Variants in PTPRM observed in about 807,000 individuals in gnomAD.
PTPRM encodes the protein protein tyrosine phosphatase receptor type M.
A neutral mutation model predicts 186.7 loss-of-function variants in PTPRM; 47 were observed. That is an observed-to-expected ratio of 0.25 (90% CI 0.20 to 0.32). The LOEUF is 0.32. Among genes scored for constraint, PTPRM ranks in the 10% least tolerant of loss-of-function variants. The pLI is 1.00. For missense variants in PTPRM, 1,494 were observed against 1,865.0 expected, an observed-to-expected ratio of 0.80 and a Z score of 3.66; for synonymous variants, 668 against 674.9, an observed-to-expected ratio of 0.99 and a Z score of 0.16.
chr18:7,987,846 ATTCT>A (rs773062520), intron 7 of PTPRM, among the ~76,000 whole-genome samples: 49 of 152,186 alleles, frequency 3.2e-4, no homozygotes, highest in Non-Finnish European at 6.2e-4. Context: ...GAAACTTTTC[ATTCT>A]TTCTTGATAT....
chr18:7,994,484 C>T (rs1487448663), intron 7 of PTPRM, among the ~76,000 whole-genome samples: 2 of 152,162 alleles, frequency 1.3e-5, no homozygotes, highest in African/African-American at 2.4e-5. Flanking sequence ...ATGGACCTAG[C>T]AGACGTTACA....
intron 2 of PTPRM, among the ~76,000 whole-genome samples, chr18:7,795,765 C>T (rs2043597984): frequency 6.6e-6 from 1 of 151,090 alleles, no homozygotes; most frequent in Admixed American, 6.6e-5. Context: ...TTTTGTTCAC[C>T]AAGATATTAC....
At chr18:7,617,758 G>A (rs890054342) in intron 1 of PTPRM, among the ~76,000 whole-genome samples, 1 of 152,176 alleles carries the variant, frequency 6.6e-6, no homozygotes, top group Non-Finnish European at 1.5e-5. Context: ...GTGAGAAGAG[G>A]ATAATCATCA....
intron 2 of PTPRM, among the ~76,000 whole-genome samples, chr18:7,829,068 T>C (rs1475796229): frequency 6.6e-6 from 1 of 152,200 alleles, no homozygotes; most frequent in Non-Finnish European, 1.5e-5. Context: ...ATTTTGAAAT[T>C]GAAATGATTT....
At chr18:7,633,116 C>T (rs1185565597) in intron 1 of PTPRM, among the ~76,000 whole-genome samples, 2 of 152,154 alleles carry the variant, frequency 1.3e-5, no homozygotes, top group Non-Finnish European at 2.9e-5. Flanking sequence ...TTTCAGAGTG[C>T]CATGTGCAAT....
chr18:8,179,662 G>A (rs2093545421), intron 14 of PTPRM, among the ~76,000 whole-genome samples: 2 of 151,758 alleles, frequency 1.3e-5, no homozygotes. Context: ...TAGAGAACGG[G>A]TTTCACCATG....
intron 14 of PTPRM, among the ~76,000 whole-genome samples, chr18:8,204,032 C>T (rs763426029): frequency 5.9e-5 from 9 of 152,132 alleles, no homozygotes; most frequent in Non-Finnish European, 1.3e-4. Flanking sequence ...ACATGCCAAC[C>T]ACAAGATGGT....
chr18:7,945,219 T>G (rs1317229817), intron 5 of PTPRM, among the ~76,000 whole-genome samples: 2 of 150,310 alleles, frequency 1.3e-5, no homozygotes, highest in East Asian at 3.9e-4. Flanking sequence ...TTTGGGAGGC[T>G]GAGGCGGGCA....
chr18:8,144,279 A>C (rs2092830454), intron 14 of PTPRM, among the ~76,000 whole-genome samples: 1 of 152,180 alleles, frequency 6.6e-6, no homozygotes, highest in Non-Finnish European at 1.5e-5. Context: ...CCCGACAGAA[A>C]AATGCAGCGC....
intron 1 of PTPRM, among the ~76,000 whole-genome samples, chr18:7,753,735 T>C (rs909850535): frequency 5.9e-5 from 9 of 152,250 alleles, no homozygotes; most frequent in African/African-American, 2.2e-4. Context: ...TTAAATTTAC[T>C]GTTCTTTCAA....
At chr18:8,313,525 T>C (rs2095285082) in intron 20 of PTPRM, among the ~76,000 whole-genome samples, 1 of 152,200 alleles carries the variant, frequency 6.6e-6, no homozygotes, top group Admixed American at 6.5e-5. Context: ...ACAGCAGTGA[T>C]CAGTGCAGGA....
intron 5 of PTPRM, among the ~76,000 whole-genome samples, chr18:7,935,417 C>A (rs1426939204): frequency 6.6e-6 from 1 of 151,992 alleles, no homozygotes; most frequent in Non-Finnish European, 1.5e-5. Flanking sequence ...TTTTGGATTA[C>A]CTTTATTTAA....
chr18:7,880,897 G>C lies in PTPRM; in HGVS notation c.197-7209G>C, dbSNP rs543607083. On this transcript the variant is annotated intron_variant, in intron 2 of 32. Transcript: ENST00000580170. ...CAGAGCACAGTGGTTTTGATTATTG[G>C]GAGGAGTTGCATTATGGTCTTAAAG... is the stretch of plus-strand genomic sequence containing the variant. Among the ~76,000 whole-genome samples, 3 of 152,274 alleles carry C rather than the reference G, an allele frequency of 2.0e-5. No homozygotes were observed. The East Asian group carries it at 5.8e-4, about 29-fold the overall frequency.
chr18:8,406,430 G>A lies in PTPRM; in HGVS notation c.*268G>A. The A allele has an allele frequency of 2.2e-6, 1 of 445,574 alleles. No homozygotes were observed. The allele number at this position is 445,574 out of a possible 1,614,324, so 27.6% of individuals were successfully genotyped here. A position where few individuals can be genotyped will look rare whatever the true frequency, so the allele number is the denominator to read the frequency against. Reference sequence around the variant, plus strand: ...CTTCCTAGAGCAGCGTAGACAGCTGGTAAACTGAAGAGCACAACTATATTC... The same window carrying A: ...CTTCCTAGAGCAGCGTAGACAGCTGATAAACTGAAGAGCACAACTATATTC... On this transcript the variant is annotated 3_prime_UTR_variant, in exon 33 of 33. Coordinates refer to ENST00000580170, the MANE Select transcript of PTPRM (RefSeq NM_001105244.2).
intron 11 of PTPRM, among the ~76,000 whole-genome samples, chr18:8,107,202 G>A (rs2091561555): frequency 1.3e-5 from 2 of 152,172 alleles, no homozygotes; most frequent in Non-Finnish European, 2.9e-5. Context: ...AATAGGAAAT[G>A]CAAAGGAAAT....
At chr18:7,902,581 A>G (rs2049754314) in intron 3 of PTPRM, among the ~76,000 whole-genome samples, 1 of 152,114 alleles carries the variant, frequency 6.6e-6, no homozygotes, top group Non-Finnish European at 1.5e-5. Context: ...TCATTTGGCC[A>G]TTGCTATCTT....
chr18:8,154,272 G>T (rs544078365), intron 14 of PTPRM, among the ~76,000 whole-genome samples: 3 of 152,356 alleles, frequency 2.0e-5, no homozygotes, highest in African/African-American at 7.2e-5. Context: ...AGTTGTTACT[G>T]TCAGTTAGAA....
intron 7 of PTPRM, among the ~76,000 whole-genome samples, chr18:8,054,509 T>C (rs1208548283): frequency 1.3e-5 from 2 of 151,748 alleles, no homozygotes; most frequent in Non-Finnish European, 2.9e-5. Context: ...CCTATGGCTA[T>C]CTGTATAGTG....
chr18:7,925,352 TTGTC>T (rs1568022269), intron 4 of PTPRM, among the ~76,000 whole-genome samples: 1 of 152,302 alleles, frequency 6.6e-6, no homozygotes, highest in South Asian at 2.1e-4. Flanking sequence ...CATGAATACT[TTGTC>T]TGAATTATTA....
Sources: gnomAD v4.1 joint callset for allele counts (sites outside exome capture counted in the v4.1 genomes callset) on GRCh38, gnomAD v4.1.1 for gene constraint, MANE v1.5 for transcripts, NCBI Gene and HGNC (gene_info 2026-07-23, HGNC 2026-07-21) for gene names.